Variants in CHSY3 observed in about 807,000 individuals in gnomAD.
The protein encoded by CHSY3 is N-acetylgalactosaminyl-proteoglycan 3-beta-glucuronosyltransferase 3.
In CHSY3, 35 loss-of-function variants were observed where a neutral mutation model predicts 67.2. That is an observed-to-expected ratio of 0.52 (90% CI 0.40 to 0.69). The LOEUF is 0.69. CHSY3 is among the 30% of genes least tolerant of loss of function. CHSY3 has a pLI of 0.00. For missense variants in CHSY3, 1,069 were observed against 1,138.5 expected (o/e 0.94, Z 0.88); for synonymous variants, 474 against 434.7 (o/e 1.09, Z -1.12).
chr5:130,035,996 A>G (rs1764852926), intron 2 of CHSY3, among the ~76,000 whole-genome samples: 1 of 150,554 alleles, frequency 6.6e-6, no homozygotes, highest in Admixed American at 6.6e-5. Context: ...TGTACATTCT[A>G]AAAATGTGGC....
At chr5:130,178,996 A>G (rs945683338) in intron 2 of CHSY3, among the ~76,000 whole-genome samples, 2 of 152,176 alleles carry the variant, frequency 1.3e-5, no homozygotes, top group African/African-American at 2.4e-5. Context: ...TGCTAGATCT[A>G]TTACCACTTA....
chr5:130,176,007 T>A lies in CHSY3; in HGVS notation c.1087-8222T>A, dbSNP rs528708950. 2.6e-5 allele frequency among the ~76,000 whole-genome samples: 4 copies of A among 152,222 alleles called. No homozygotes were observed. The East Asian group carries it at 7.7e-4, about 29-fold the overall frequency. On this transcript the variant is annotated intron_variant, in intron 2 of 2. Transcript: ENST00000305031. Reference sequence around the variant, plus strand: ...AAAGCCAAAATTGACAAATGGGATCTAATTAAACTAAAGAGCTTCTGCACA... The same window carrying A: ...AAAGCCAAAATTGACAAATGGGATCAAATTAAACTAAAGAGCTTCTGCACA...
At chr5:129,986,487 C>G (rs1250596142) in intron 2 of CHSY3, among the ~76,000 whole-genome samples, 9 of 151,910 alleles carry the variant, frequency 5.9e-5, no homozygotes, top group Non-Finnish European at 1.3e-4. Context: ...TAAAGTTTTC[C>G]TTTTTCATCA....
rs566038256 is a variant in CHSY3, at chr5:130,002,033, T to G, written c.1086+93673T>G. On this transcript the variant is annotated intron_variant, in intron 2 of 2. Transcript: ENST00000305031. The stretch of plus-strand genomic sequence containing the variant: ...TCTCTAAGTCCTTTTTCTGTGTTCT[T>G]TTTTTTAACTCACTACTTTAGCAGT... The G allele has an allele frequency of 4.2e-4, 372 of 881,226 alleles. 3 individuals are homozygous for G. The African/African-American group carries it at 6.5e-3, about 15-fold the overall frequency. The allele number at this position is 881,226 out of a possible 1,614,324, so 54.6% of individuals were successfully genotyped here. A position where few individuals can be genotyped will look rare whatever the true frequency, so the allele number is the denominator to read the frequency against.
rs979334205 is a variant in CHSY3 at position 130,049,117 on chromosome 5, C to T, written c.1087-135112C>T. Among the ~76,000 whole-genome samples, 3 of 152,036 alleles carry T rather than the reference C, an allele frequency of 2.0e-5. 1 individual carries two copies. The highest frequency in any genetic ancestry group is 7.2e-5 in the African/African-American group (3 of 41,416). On this transcript the variant is annotated intron_variant, in intron 2 of 2. Coordinates refer to ENST00000305031, the MANE Select transcript of CHSY3 (RefSeq NM_175856.5). ...GGGATAGTGGTTACATAATTTACAA[C>T]ATTTATAATTTGGCTCTAAGTCATG...
At chr5:130,104,020 A>G (rs1767336703) in intron 2 of CHSY3, among the ~76,000 whole-genome samples, 1 of 151,894 alleles carries the variant, frequency 6.6e-6, no homozygotes, top group Admixed American at 6.6e-5. Flanking sequence ...ATTTTTTACA[A>G]GTAGCTAAAT....
At chr5:130,013,207 C>G (rs1362956633) in intron 2 of CHSY3, among the ~76,000 whole-genome samples, 4 of 152,300 alleles carry the variant, frequency 2.6e-5, no homozygotes, top group African/African-American at 9.6e-5. Flanking sequence ...AGGGTACAGC[C>G]CCCCTCCTGG....
intron 2 of CHSY3, among the ~76,000 whole-genome samples, chr5:130,011,357 A>T (rs114002609): frequency 0.016 from 2,416 of 152,266 alleles, 51 homozygotes; most frequent in African/African-American, 0.054. Flanking sequence ...ACATAAACGG[A>T]ACTAAAAACA....
At position 130,178,144 on chromosome 5, in the gene CHSY3, T is replaced by C. The variant is rs116122424; in HGVS notation, c.1087-6085T>C. 9.2e-3 allele frequency among the ~76,000 whole-genome samples: 1,328 copies of C among 144,936 alleles called. 17 individuals carry two copies. The highest frequency in any genetic ancestry group is 0.031 in the African/African-American group (1,222 of 39,618). ...TAAACATGGATAAATATGGATATAG[T>C]TGTGGTCTTTTTTTAGTATTATATG... On this transcript the variant is annotated intron_variant, in intron 2 of 2. Transcript: ENST00000305031.
At chr5:129,995,189 T>C (rs954352848) in intron 2 of CHSY3, among the ~76,000 whole-genome samples, 2 of 152,186 alleles carry the variant, frequency 1.3e-5, no homozygotes, top group African/African-American at 4.8e-5. Flanking sequence ...TTGATTATTG[T>C]TATTAAACAT....
chr5:129,950,780 A>G (rs1762001656), intron 2 of CHSY3, among the ~76,000 whole-genome samples: 1 of 152,224 alleles, frequency 6.6e-6, no homozygotes, highest in African/African-American at 2.4e-5. Context: ...ATGGAAAGGC[A>G]TCCTGTGTTT....
chr5:130,091,874 C>G (rs988762784), intron 2 of CHSY3, among the ~76,000 whole-genome samples: 2 of 152,106 alleles, frequency 1.3e-5, no homozygotes, highest in Admixed American at 1.3e-4. Context: ...GTTAACTAGC[C>G]TAGAGTTCAA....
chr5:130,143,768 G>GTATATATATATGTGTATATA (rs1768962962), intron 2 of CHSY3, among the ~76,000 whole-genome samples: 2 of 64,970 alleles, frequency 3.1e-5, no homozygotes, highest in Non-Finnish European at 5.9e-5. Context: ...GTGTGTGTGT[G>GTATATATATATGTGTATATA]TATATATATA....
chr5:130,152,000 C>T (rs547934095), intron 2 of CHSY3, among the ~76,000 whole-genome samples: 1 of 152,284 alleles, frequency 6.6e-6, no homozygotes, highest in Non-Finnish European at 1.5e-5. Flanking sequence ...CATATCTATG[C>T]CAGGCACTAG....
intron 2 of CHSY3, among the ~76,000 whole-genome samples, chr5:130,056,918 C>CTTTTTTTTT (rs58326964): frequency 9.6e-4 from 54 of 56,094 alleles, no homozygotes; most frequent in African/African-American, 1.2e-3. Flanking sequence ...GCATTTCTTT[C>CTTTTTTTTT]TTTTTTTTTT....
Position 129,967,899 on chromosome 5 carries a change from A to AT in CHSY3, c.1086+59546dup, listed in dbSNP as rs1762514207. Among the ~76,000 whole-genome samples, 7 of 151,900 alleles carry AT rather than the reference A, an allele frequency of 4.6e-5. No individual in the cohort carries two copies. In the South Asian group the frequency reaches 1.2e-3, roughly 27 times the overall value. On this transcript the variant is annotated intron_variant, in intron 2 of 2. Coordinates refer to ENST00000305031, the MANE Select transcript of CHSY3 (RefSeq NM_175856.5). The stretch of plus-strand genomic sequence containing the variant: ...TTACAATTTAATTTCCTGGAAAGTC[A>AT]TTTTTTTAAACTTGCATGAATTTTT...
chr5:130,137,519 G>A (rs1012663671), intron 2 of CHSY3, among the ~76,000 whole-genome samples: 9 of 152,126 alleles, frequency 5.9e-5, no homozygotes, highest in South Asian at 2.1e-4. Context: ...ATATGAATGC[G>A]TGAATTTAAT....
intron 2 of CHSY3, among the ~76,000 whole-genome samples, chr5:129,984,518 T>C (rs1763116274): frequency 6.6e-6 from 1 of 152,176 alleles, no homozygotes; most frequent in Non-Finnish European, 1.5e-5. Flanking sequence ...TAGAACAATT[T>C]ATATTCCTTT....
At chr5:130,053,106 T>G (rs1398917328) in intron 2 of CHSY3, among the ~76,000 whole-genome samples, 2 of 152,150 alleles carry the variant, frequency 1.3e-5, no homozygotes, top group Non-Finnish European at 2.9e-5. Context: ...ATTTATGTAT[T>G]CCCAAATAGG....
Sources: allele counts gnomAD v4.1 joint callset (sites outside exome capture counted in the v4.1 genomes callset), GRCh38; gene constraint gnomAD v4.1.1; transcripts MANE v1.5; gene names NCBI Gene and HGNC (gene_info 2026-07-23, HGNC 2026-07-21).